The following HOXC4 variants were observed in gnomAD, a reference collection of about 807,000 sequenced individuals.
HOXC4 encodes the protein homeobox protein Hox-C4.
In HOXC4, 15 loss-of-function variants were observed where a neutral mutation model predicts 25.5. That is an observed-to-expected ratio of 0.59 (90% CI 0.39 to 0.91). The LOEUF (loss-of-function observed/expected upper bound fraction) is 0.91. Among genes scored for constraint, HOXC4 ranks in the 40% least tolerant of loss-of-function variants. The pLI is 0.00. For synonymous variants in HOXC4, 165 were observed against 148.0 expected, an observed-to-expected ratio of 1.11 and a Z score of -0.83; for missense variants, 342 against 352.4, an observed-to-expected ratio of 0.97 and a Z score of 0.24.
In HOXC4 at chr12:54,054,847, C is replaced by A; in HGVS notation, c.440-3C>A. 1 of 1,597,382 alleles carries A rather than the reference C, an allele frequency of 6.3e-7. No individual in the cohort carries two copies. The highest frequency in any genetic ancestry group is 8.6e-7 in the Non-Finnish European group (1 of 1,167,250). On this transcript the variant is annotated splice_polypyrimidine_tract_variant and splice_region_variant and intron_variant, in intron 1 of 1. Coordinates refer to ENST00000430889, the MANE Select transcript of HOXC4 (RefSeq NM_153633.3). ...CCACTATTTGCTTTTCCCCTCCCCC[C>A]AGTGAACCCCAATTATAACGGAGGG...
intron 1 of HOXC4, among the ~76,000 whole-genome samples, chr12:54,039,060 T>A (rs1287752078): frequency 6.6e-6 from 1 of 152,018 alleles, no homozygotes; most frequent in Non-Finnish European, 1.5e-5. Flanking sequence ...TGACAACATG[T>A]GAATTCAGGC....
At chr12:54,043,763 A>G (rs1037267503) in intron 1 of HOXC4, among the ~76,000 whole-genome samples, 3 of 152,144 alleles carry the variant, frequency 2.0e-5, no homozygotes, top group Admixed American at 1.3e-4. Flanking sequence ...GGAGGGTCCA[A>G]GGAGGCCAGA....
intron 1 of HOXC4, among the ~76,000 whole-genome samples, chr12:54,032,437 G>A (rs1014232542): frequency 1.3e-5 from 2 of 152,216 alleles, no homozygotes; most frequent in African/African-American, 4.8e-5. Context: ...TCTACCTTTG[G>A]TTTAGGGAAC....
At chr12:54,016,907 A>G (rs1940179484), upstream of HOXC4, 7 of 152,336 alleles carry the variant, frequency 4.6e-5, no homozygotes, top group South Asian at 1.5e-3. Flanking sequence ...TCCTCCCTGT[A>G]AGAGCCTAAC....
chr12:54,052,701 T>C (rs184080592), upstream of HOXC4, among the ~76,000 whole-genome samples: 37 of 152,202 alleles, frequency 2.4e-4, no homozygotes, highest in Non-Finnish European at 4.3e-4. Context: ...GTGAATGGGC[T>C]GGAGACCCCA....
intron 1 of HOXC4, among the ~76,000 whole-genome samples, chr12:54,039,733 C>T (rs1941240033): frequency 6.6e-6 from 1 of 152,080 alleles, no homozygotes; most frequent in Non-Finnish European, 1.5e-5. Flanking sequence ...CTTGACTCTT[C>T]CCCACCCTCC....
intron 1 of HOXC4, among the ~76,000 whole-genome samples, chr12:54,046,276 T>G (rs1172186424): frequency 6.6e-6 from 1 of 152,214 alleles, no homozygotes; most frequent in Admixed American, 6.5e-5. Flanking sequence ...CAAGATTTTT[T>G]CTGTCCAACT....
upstream of HOXC4, among the ~76,000 whole-genome samples, chr12:54,051,056 T>A (rs1937833441): frequency 6.6e-6 from 1 of 151,680 alleles, no homozygotes; most frequent in Non-Finnish European, 1.5e-5. Context: ...ACAGGCAACA[T>A]ATTGGGGAGG....
intron 1 of HOXC4, among the ~76,000 whole-genome samples, chr12:54,046,176 C>G (rs1220426117): frequency 1.3e-5 from 2 of 152,164 alleles, no homozygotes. Context: ...TTCTCGGTGC[C>G]CAGGGCCCAA....
chr12:54,048,832 A>T (rs1195308472), intron 1 of HOXC4, among the ~76,000 whole-genome samples: 2 of 151,936 alleles, frequency 1.3e-5, no homozygotes, highest in African/African-American at 4.8e-5. Context: ...CCATAAACTA[A>T]CCTAAGGCCA....
intron 1 of HOXC4, chr12:54,030,111 G>A: frequency 1.3e-6 from 1 of 747,288 alleles, no homozygotes. Flanking sequence ...GGACCTGAAA[G>A]TCAGCTCTGG....
intron 1 of HOXC4, chr12:54,034,037 C>T: frequency 1.4e-6 from 1 of 695,604 alleles, no homozygotes; most frequent in Admixed American, 2.0e-5. Flanking sequence ...CTCTTCCCCC[C>T]AACCCCCCCT....
In HOXC4 at chr12:54,054,058, C is replaced by G; in HGVS notation, c.136C>G (p.Gln46Glu). The change falls in exon 1 of 2, where the codon CAG becomes GAG. Residue 46 changes from glutamine (Q) to glutamate (E), a missense_variant. Physicochemically the swap from Gln to Glu is conservative, Grantham distance 29. Coordinates refer to ENST00000430889, the MANE Select transcript of HOXC4 (RefSeq NM_153633.3). Reference sequence around the variant, plus strand: ...CGGCCGGACCAGGGAATCGGGATTCCAGCATCACCACCAGGAGCTGTACCC... The same window carrying G: ...CGGCCGGACCAGGGAATCGGGATTCGAGCATCACCACCAGGAGCTGTACCC... ...YYGRTRESGF[Q>E]HHHQELYPPP... The G allele has an allele frequency of 6.2e-7, 1 of 1,614,160 alleles. No homozygotes were observed. The highest frequency in any genetic ancestry group is 8.5e-7 in the Non-Finnish European group (1 of 1,180,010).
At chr12:54,054,420 C>T in intron 1 of HOXC4, 59 bp downstream of exon 1, 2 of 1,201,350 alleles carry the variant, frequency 1.7e-6, no homozygotes, top group Non-Finnish European at 1.2e-6. Flanking sequence ...CGCTCCCCAC[C>T]CTCCTCGGCC....
At chr12:54,033,163 C>T (rs764361413) in intron 1 of HOXC4, 2 of 1,614,154 alleles carry the variant, frequency 1.2e-6, no homozygotes, top group African/African-American at 2.7e-5. Context: ...AAGCAGAGCC[C>T]CAATATCCCT....
intron 1 of HOXC4, among the ~76,000 whole-genome samples, chr12:54,031,079 G>T (rs575882456): frequency 6.6e-6 from 1 of 152,378 alleles, no homozygotes; most frequent in South Asian, 2.1e-4. Context: ...ATTTTGTTGC[G>T]GGGGGAGCTG....
At chr12:54,026,549 C>T (rs1016610399) in intron 1 of HOXC4, among the ~76,000 whole-genome samples, 1 of 152,148 alleles carries the variant, frequency 6.6e-6, no homozygotes, top group Non-Finnish European at 1.5e-5. Flanking sequence ...AAGGAGGAAC[C>T]TTTATAATTA....
At chr12:54,025,250 T>A (rs1031539569) in intron 1 of HOXC4, among the ~76,000 whole-genome samples, 3 of 152,214 alleles carry the variant, frequency 2.0e-5, no homozygotes, top group African/African-American at 7.2e-5. Flanking sequence ...CTGATGAGTT[T>A]CCATAATTGT....
chr12:54,036,271 C>T (rs1941184111), intron 1 of HOXC4, among the ~76,000 whole-genome samples: 1 of 152,116 alleles, frequency 6.6e-6, no homozygotes, highest in Non-Finnish European at 1.5e-5. Context: ...TCTCCCACCT[C>T]CCACAACAGG....
Sources: allele counts gnomAD v4.1 joint callset (sites outside exome capture counted in the v4.1 genomes callset), GRCh38; gene constraint gnomAD v4.1.1; transcripts MANE v1.5; gene names NCBI Gene and HGNC (gene_info 2026-07-23, HGNC 2026-07-21).